Variants in EHBP1 observed in about 807,000 individuals in gnomAD.
The protein encoded by EHBP1 is EH domain binding protein 1, also known as EH domain-binding protein 1.
EHBP1 carries 55 observed loss-of-function variants against 144.0 expected under a neutral mutation model. The observed-to-expected ratio is 0.38, with a 90% CI of 0.31 to 0.48. The LOEUF (loss-of-function observed/expected upper bound fraction) is 0.48. Among genes scored for constraint, EHBP1 ranks in the 20% least tolerant of loss-of-function variants. The pLI is 0.98. For missense variants in EHBP1, 1,200 were observed against 1,364.2 expected (o/e 0.88, Z 1.90); for synonymous variants, 469 against 472.7 (o/e 0.99, Z 0.10).
intron 10 of EHBP1, among the ~76,000 whole-genome samples, chr2:62,896,024 G>A (rs1259123585): frequency 6.6e-6 from 1 of 152,188 alleles, no homozygotes; most frequent in Non-Finnish European, 1.5e-5. Context: ...AGTGTGCCAA[G>A]CAATGGAAAT....
intron 10 of EHBP1, among the ~76,000 whole-genome samples, chr2:62,883,848 G>T (rs1386418667): frequency 6.6e-6 from 1 of 152,192 alleles, no homozygotes; most frequent in Non-Finnish European, 1.5e-5. Flanking sequence ...GCTCACGCCT[G>T]TATTCCCAGT....
intron 5 of EHBP1, among the ~76,000 whole-genome samples, chr2:62,804,285 GA>G (rs1268967918): frequency 4.0e-5 from 6 of 151,694 alleles, no homozygotes; most frequent in Non-Finnish European, 7.4e-5. Flanking sequence ...TGGAAGCAGA[GA>G]AAAAAAACCT....
chr2:63,025,411 C>T (rs1224269952), intron 19 of EHBP1, among the ~76,000 whole-genome samples: 1 of 152,194 alleles, frequency 6.6e-6, no homozygotes, highest in African/African-American at 2.4e-5. Context: ...CAGGTGCACA[C>T]CACCACACCC....
At chr2:62,981,113 G>A (rs1384090816) in intron 15 of EHBP1, among the ~76,000 whole-genome samples, 3 of 147,188 alleles carry the variant, frequency 2.0e-5, no homozygotes, top group Admixed American at 1.4e-4. Flanking sequence ...TTCCCTTTTC[G>A]ACTCCTATCA....
chr2:62,993,719 G>T, intron 17 of EHBP1, 51 bp downstream of exon 17: 1 of 1,036,466 alleles, frequency 9.6e-7, no homozygotes, highest in Non-Finnish European at 1.3e-6. Flanking sequence ...ACTATATATA[G>T]ATATCTATAT....
At chr2:62,882,284 C>G (rs1383084102) in intron 10 of EHBP1, among the ~76,000 whole-genome samples, 1 of 152,032 alleles carries the variant, frequency 6.6e-6, no homozygotes, top group Non-Finnish European at 1.5e-5. Flanking sequence ...GACTTAAATT[C>G]TGTCTTGCTG....
intron 14 of EHBP1, chr2:62,965,162 C>CT (rs888357369): frequency 1.3e-5 from 2 of 152,324 alleles, no homozygotes; most frequent in Non-Finnish European, 2.9e-5. Flanking sequence ...TTCTGACCTT[C>CT]TTTGACAGGG....
intron 5 of EHBP1, among the ~76,000 whole-genome samples, chr2:62,780,839 T>C (rs746388315): frequency 2.6e-5 from 4 of 152,208 alleles, no homozygotes; most frequent in Non-Finnish European, 5.9e-5. Context: ...CAGAGTACTG[T>C]TTTCATACTA....
chr2:62,692,870 A>G (rs2033954033), intron 1 of EHBP1, among the ~76,000 whole-genome samples: 1 of 152,170 alleles, frequency 6.6e-6, no homozygotes, highest in South Asian at 2.1e-4. Flanking sequence ...CACAAACAAT[A>G]CAATTATATT....
chr2:62,738,447 T>C (rs1157583072), intron 2 of EHBP1, among the ~76,000 whole-genome samples: 1 of 152,180 alleles, frequency 6.6e-6, no homozygotes. Flanking sequence ...GTATCATTAT[T>C]ATTCTTAAAC....
chr2:62,872,289 T>C lies in EHBP1; in HGVS notation c.999-2057T>C, dbSNP rs144732387. Among the ~76,000 whole-genome samples the C allele has an allele frequency of 1.2e-4, 19 of 152,230 alleles. No homozygotes were observed. The East Asian group carries it at 3.7e-3, about 29-fold the overall frequency. ...CTAATATAACCGATGAATTTTCAAC[T>C]TACTGAGTTAGTGATATAACTAATT... On this transcript the variant is annotated intron_variant, in intron 9 of 22. Transcript: ENST00000431489.
chr2:62,746,613 A>C lies in EHBP1; in HGVS notation c.105-782A>C, dbSNP rs1053081525. 7.2e-5 allele frequency among the ~76,000 whole-genome samples: 11 copies of C among 152,230 alleles called. No individual in the cohort carries two copies. The East Asian group carries it at 9.6e-4, about 13-fold the overall frequency. On this transcript the variant is annotated intron_variant, in intron 2 of 22. Coordinates refer to ENST00000431489, the MANE Select transcript of EHBP1 (RefSeq NM_001142616.3). Reference sequence around the variant, plus strand: ...ATCTTGATGTTTTTCATAAGAACAAAAGAGAACTTAGTTATATTAGGTTGA... The same window carrying C: ...ATCTTGATGTTTTTCATAAGAACAACAGAGAACTTAGTTATATTAGGTTGA...
At chr2:62,711,026 T>A (rs1428840522) in intron 2 of EHBP1, among the ~76,000 whole-genome samples, 1 of 152,122 alleles carries the variant, frequency 6.6e-6, no homozygotes, top group Non-Finnish European at 1.5e-5. Flanking sequence ...ACAAACTTGG[T>A]GTGTTTTGTG....
In EHBP1 at chr2:63,044,771, C is replaced by G. The variant is rs1025825003; in HGVS notation, c.3278-295C>G. On this transcript the variant is annotated intron_variant, in intron 21 of 22. Coordinates refer to ENST00000431489, the MANE Select transcript of EHBP1 (RefSeq NM_001142616.3). ...TTCTGGGCCTCTAGCTCCCCTCCCC[C>G]ACTTTGGCTGGATTCAGGTGCGCAC... 10 of 235,180 alleles carry G rather than the reference C, an allele frequency of 4.3e-5. No individual in the cohort carries two copies. The South Asian group carries it at 1.0e-3, about 24-fold the overall frequency. 14.6% of individuals were successfully genotyped at this position (235,180 alleles called of 1,614,324 possible).
At chr2:62,980,818 A>AATAT (rs776125046) in intron 15 of EHBP1, among the ~76,000 whole-genome samples, 7 of 146,670 alleles carry the variant, frequency 4.8e-5, no homozygotes, top group East Asian at 2.0e-4. Flanking sequence ...ATTGCTACCA[A>AATAT]ATATATATAT....
At position 62,993,253 on chromosome 2, in the gene EHBP1, G is replaced by T. The variant is rs998649997; in HGVS notation, c.2734-277G>T. ...GTACAAACTGATGACACAGAATAGT[G>T]GGGGAAATAGGAGGCAACATGGCTT... On this transcript the variant is annotated intron_variant, in intron 16 of 22. Transcript: ENST00000431489. Among the ~76,000 whole-genome samples the T allele has an allele frequency of 3.9e-5, 6 of 152,202 alleles. No individual in the cohort carries two copies. In the South Asian group the frequency reaches 1.2e-3, roughly 32 times the overall value.
intron 9 of EHBP1, 42 bp from the exon 10 acceptor site, chr2:62,874,304 A>AT (rs748749270): frequency 2.1e-6 from 3 of 1,427,282 alleles, no homozygotes; most frequent in African/African-American, 2.9e-5. Context: ...TAAATGAACT[A>AT]TTTTTTGAGA....
intron 6 of EHBP1, among the ~76,000 whole-genome samples, chr2:62,827,690 C>T (rs1218661148): frequency 1.3e-5 from 2 of 150,094 alleles, no homozygotes; most frequent in Admixed American, 6.6e-5. Flanking sequence ...TTTTTTGAGA[C>T]AGAGTCTCGC....
At chr2:62,728,501 G>A (rs991284226) in intron 2 of EHBP1, among the ~76,000 whole-genome samples, 1 of 152,136 alleles carries the variant, frequency 6.6e-6, no homozygotes, top group Non-Finnish European at 1.5e-5. Context: ...GAACCATGTT[G>A]AGCCACAATA....
Sources: gnomAD v4.1 joint callset for allele counts (sites outside exome capture counted in the v4.1 genomes callset) on GRCh38, gnomAD v4.1.1 for gene constraint, MANE v1.5 for transcripts, NCBI Gene and HGNC (gene_info 2026-07-23, HGNC 2026-07-21) for gene names.